Variants in PCM1 observed in about 807,000 individuals in gnomAD.
The protein encoded by PCM1 is pericentriolar material 1 protein.
PCM1 carries 157 observed loss-of-function variants against 241.9 expected under a neutral mutation model. The ratio of observed to expected loss-of-function variants is 0.65; its 90% CI spans 0.57 to 0.74. The LOEUF (loss-of-function observed/expected upper bound fraction) is 0.74. PCM1 is among the 30% of genes least tolerant of loss of function. The probability of loss-of-function intolerance (pLI) is 0.00; values close to 1 mark genes in which losing one functional copy is unlikely to be tolerated. For synonymous variants in PCM1, 1,085 were observed against 784.9 expected, an observed-to-expected ratio of 1.38 and a Z score of -6.39; for missense variants, 3,478 against 2,360.1, an observed-to-expected ratio of 1.47 and a Z score of -9.81.
intron 23 of PCM1, among the ~76,000 whole-genome samples, chr8:17,977,176 C>G (rs902301276): frequency 6.6e-6 from 1 of 152,086 alleles, no homozygotes; most frequent in Non-Finnish European, 1.5e-5. Context: ...AGCAATAGTA[C>G]TACCAGTCAT....
intron 2 of PCM1, among the ~76,000 whole-genome samples, chr8:17,930,956 A>G (rs1051136435): frequency 2.0e-5 from 3 of 152,222 alleles, no homozygotes; most frequent in Non-Finnish European, 4.4e-5. Context: ...TTAAAGGCAT[A>G]CTAATGCTGT....
chr8:17,941,532 T>G (rs949515560), intron 6 of PCM1, among the ~76,000 whole-genome samples: 31 of 151,406 alleles, frequency 2.0e-4, no homozygotes, highest in African/African-American at 7.2e-4. Flanking sequence ...TTTTGTTTTT[T>G]TTTTTTTTTA....
rs754537263 is a variant in PCM1 at position 18,014,839 on chromosome 8, A to G, written c.5840A>G (p.Tyr1947Cys). The G allele has an allele frequency of 2.5e-6, 4 of 1,587,570 alleles. No homozygotes were observed. In the African/African-American group the frequency reaches 4.0e-5, roughly 16 times the overall value. The change falls in exon 36 of 39, where the codon TAT becomes TGT. Residue 1947 changes from tyrosine (Y) to cysteine (C), a missense_variant and splice_region_variant. Tyr to Cys is a radical substitution (Grantham distance 194). Coordinates refer to ENST00000325083, the MANE Select transcript of PCM1 (RefSeq NM_006197.4). ...DTESPVLVND[Y>C]EAESGNISQK... is the part of the protein sequence containing the mutation. ...GAATCTCCAGTGTTAGTGAATGACT[A>G]TGTATGTATCATTTACATTTCCAAA...
rs2066721777 is a variant in PCM1, at chr8:17,953,163, A to T, written c.1265A>T (p.Asp422Val). 2 of 1,572,252 alleles carry T rather than the reference A, an allele frequency of 1.3e-6. No individual in the cohort carries two copies. The highest frequency in any genetic ancestry group is 1.7e-6 in the Non-Finnish European group (2 of 1,156,276). ...KLLGELHTLR[D>V]QHLNNSSSSP... ...CTTGGAGAACTTCATACACTTCGAGATCAGCATCTTAACAATTCATCATGT... is the reference window on the plus strand; with the variant it reads ...CTTGGAGAACTTCATACACTTCGAGTTCAGCATCTTAACAATTCATCATGT... The change falls in exon 9 of 39, where the codon GAT becomes GTT. Residue 422 changes from aspartate (D) to valine (V), a missense_variant. Physicochemically the swap from Asp to Val is radical, Grantham distance 152 (BLOSUM62 -3). Coordinates refer to ENST00000325083, the MANE Select transcript of PCM1 (RefSeq NM_006197.4).
chr8:17,967,618 C>G (rs994049378), intron 21 of PCM1, among the ~76,000 whole-genome samples: 4 of 152,166 alleles, frequency 2.6e-5, no homozygotes, highest in Admixed American at 2.6e-4. Flanking sequence ...TACGTTGTTC[C>G]TTTTAAACCA....
rs1437767551 is a variant in PCM1, at chr8:17,955,551, A to T, written c.1370A>T (p.Glu457Val). Reference protein sequence around the residue: ...SVGLAPVVNGESNSLTSSVPY... With the variant: ...SVGLAPVVNGVSNSLTSSVPY... ...GGCTTGGCACCGGTTGTCAATGGAG[A>T]ATCCAATAGCCTCACATCATCTGTT... is the stretch of plus-strand genomic sequence containing the variant. The change falls in exon 10 of 39, where the codon GAA (glutamate) becomes GTA (valine). Residue 457 changes from glutamate to valine, a missense_variant. Physicochemically the swap from Glu to Val is moderately radical, Grantham distance 121 (BLOSUM62 -2). Coordinates refer to ENST00000325083, the MANE Select transcript of PCM1 (RefSeq NM_006197.4). 3.7e-6 allele frequency: 6 copies of T among 1,613,724 alleles called. No homozygotes were observed. The highest frequency in any genetic ancestry group is 4.2e-6 in the Non-Finnish European group (5 of 1,179,690).
Position 17,962,026 on chromosome 8 carries a change from CT to C in PCM1, c.2323-3del, listed in dbSNP as rs1395478657. 3.8e-6 allele frequency: 6 copies of C among 1,598,708 alleles called. No individual in the cohort carries two copies. Among genetic ancestry groups the C allele is most frequent in the Non-Finnish European group, 4.3e-6 (5 of 1,172,988 alleles). On this transcript the variant is annotated splice_polypyrimidine_tract_variant and splice_region_variant and intron_variant, in intron 15 of 38. Transcript: ENST00000325083. The stretch of plus-strand genomic sequence containing the variant: ...TCCTCATAACGTTTTTTGTGAATTC[CT>C]TTTTAGCTGTCAGCTGCTAGTGTGG...
chr8:17,953,520 TAAAGA>T, intron 9 of PCM1, among the ~76,000 whole-genome samples: 1 of 152,182 alleles, frequency 6.6e-6, no homozygotes, highest in Middle Eastern at 3.4e-3. Flanking sequence ...AATTTTCCCT[TAAAGA>T]AAAGTTAATC....
At chr8:17,977,393 G>A (rs149779858) in intron 23 of PCM1, among the ~76,000 whole-genome samples, 83 of 152,238 alleles carry the variant, frequency 5.5e-4, no homozygotes, top group African/African-American at 1.8e-3. Flanking sequence ...GAAATAGAGA[G>A]GGAGGGCTGA....
chr8:17,947,054 G>A (rs951606786), intron 6 of PCM1, 132 bp from the exon 7 acceptor site: 4 of 520,708 alleles, frequency 7.7e-6, no homozygotes, highest in Non-Finnish European at 1.4e-5. Context: ...TTTTCTTGAT[G>A]TCTACTAAAA....
rs1255265527 is a variant in PCM1, at chr8:18,028,546, G to C, written c.*884G>C. On this transcript the variant is annotated 3_prime_UTR_variant, in exon 39 of 39. Coordinates refer to ENST00000325083, the MANE Select transcript of PCM1 (RefSeq NM_006197.4). The stretch of plus-strand genomic sequence containing the variant: ...GCCTTCAGATAAACTTGCCTATTGA[G>C]ATGGTAATTTAAAGCCAAAGCATAG... The C allele has an allele frequency of 4.9e-6, 1 of 203,788 alleles. No individual in the cohort carries two copies. The allele number at this position is 203,788 out of a possible 1,614,324, so 12.6% of individuals were successfully genotyped here. A position where few individuals can be genotyped will look rare whatever the true frequency, so the allele number is the denominator to read the frequency against.
chr8:18,004,885 C>G (rs991291214), intron 29 of PCM1, among the ~76,000 whole-genome samples: 1 of 152,168 alleles, frequency 6.6e-6, no homozygotes, highest in Non-Finnish European at 1.5e-5. Context: ...CCGTGTCCTA[C>G]CCAAACTCCT....
chr8:17,989,723 G>A (rs1587950615), intron 26 of PCM1, 136 bp from the exon 27 acceptor site: 2 of 610,222 alleles, frequency 3.3e-6, no homozygotes, highest in South Asian at 5.3e-5. Flanking sequence ...CATCTTGTTT[G>A]GACAGAATAC....
chr8:18,024,425 G>A (rs541585584), intron 36 of PCM1, among the ~76,000 whole-genome samples: 54 of 152,102 alleles, frequency 3.6e-4, no homozygotes, highest in Admixed American at 6.5e-4. Context: ...TTAGAAAGGG[G>A]GCTTATAATC....
intron 27 of PCM1, 68 bp from the exon 28 acceptor site, chr8:17,991,474 G>C (rs2084608606): frequency 7.6e-7 from 1 of 1,311,638 alleles, no homozygotes; most frequent in East Asian, 2.5e-5. Flanking sequence ...TTTTATTAAT[G>C]CATTTTGAGG....
At position 17,985,475 on chromosome 8, in the gene PCM1, A is replaced by T; in HGVS notation, c.4137A>T (p.Glu1379Asp). The change falls in exon 25 of 39, where the codon GAA becomes GAT. Residue 1379 changes from glutamate to aspartate, a missense_variant. Coordinates refer to ENST00000325083, the MANE Select transcript of PCM1 (RefSeq NM_006197.4). ...CTGGGAGTGATTTTTCCATGTTTGA[A>T]GCTTTGCGAGATACTATTTATTCTG... Reference protein sequence around the residue: ...SETGSDFSMFEALRDTIYSEV... With the variant: ...SETGSDFSMFDALRDTIYSEV... 1 of 1,560,702 alleles carries T rather than the reference A, an allele frequency of 6.4e-7. No individual in the cohort carries two copies. The highest frequency in any genetic ancestry group is 8.7e-7 in the Non-Finnish European group (1 of 1,150,508).
intron 29 of PCM1, among the ~76,000 whole-genome samples, chr8:18,001,162 A>G (rs769108020): frequency 1.3e-5 from 2 of 152,186 alleles, no homozygotes; most frequent in Non-Finnish European, 2.9e-5. Flanking sequence ...ACCAAGAAGG[A>G]CTGCAAGGAG....
intron 5 of PCM1, among the ~76,000 whole-genome samples, 185 bp from the exon 6 acceptor site, chr8:17,939,506 A>G (rs1021559119): frequency 6.6e-6 from 1 of 152,164 alleles, no homozygotes; most frequent in Non-Finnish European, 1.5e-5. Context: ...ATTACCAATT[A>G]TGTCTTGATT....
chr8:18,004,267 A>G (rs1294402771), intron 29 of PCM1, among the ~76,000 whole-genome samples: 1 of 152,228 alleles, frequency 6.6e-6, no homozygotes, highest in Non-Finnish European at 1.5e-5. Flanking sequence ...TGAATTTAAA[A>G]GAATTACATT....
Sources: gnomAD v4.1 joint callset for allele counts (sites outside exome capture counted in the v4.1 genomes callset) on GRCh38, gnomAD v4.1.1 for gene constraint, MANE v1.5 for transcripts, NCBI Gene and HGNC (gene_info 2026-07-23, HGNC 2026-07-21) for gene names.